TGFBR3: variants seen among roughly 807,000 people sequenced by gnomAD.
TGFBR3 encodes the protein transforming growth factor beta receptor 3, also known as transforming growth factor beta receptor type 3.
Under a neutral mutation model 87.9 loss-of-function variants are expected in TGFBR3, and 46 were observed. The observed-to-expected ratio is 0.52, with a 90% CI of 0.41 to 0.67. The LOEUF (loss-of-function observed/expected upper bound fraction) is 0.67. Ranked by LOEUF, TGFBR3 falls within the 30% of genes least tolerant of loss-of-function variation. The pLI is 0.00. For missense variants in TGFBR3, 866 were observed against 1,041.9 expected (o/e 0.83, Z 2.32); for synonymous variants, 381 against 391.6 (o/e 0.97, Z 0.32).
chr1:91,874,230 T>C (rs1678697289), intron 1 of TGFBR3, among the ~76,000 whole-genome samples: 1 of 152,122 alleles, frequency 6.6e-6, no homozygotes, highest in Non-Finnish European at 1.5e-5. Flanking sequence ...CTGTTTTGAG[T>C]AAGGACCTAA....
chr1:91,703,490 A>G (rs1671691143), intron 14 of TGFBR3, among the ~76,000 whole-genome samples: 1 of 152,242 alleles, frequency 6.6e-6, no homozygotes, highest in South Asian at 2.1e-4. Flanking sequence ...GCTAAGAATT[A>G]AACACATCTA....
In TGFBR3 at chr1:91,712,407, A is replaced by C; in HGVS notation, c.2002T>G (p.Phe668Val). The C allele has an allele frequency of 6.2e-7, 1 of 1,614,218 alleles. No homozygotes were observed. ...AAGTGCACTCTCTTGGGACTGTAGAATTTCACAGATTCATCTTTAGGACAA... is the reference window on the plus strand; with the variant it reads ...AAGTGCACTCTCTTGGGACTGTAGACTTTCACAGATTCATCTTTAGGACAA... ...NICPKDESVK[F>V]YSPKRVHFPI... is the part of the protein sequence containing the mutation. Residue 668 changes from phenylalanine to valine, a missense_variant, in exon 13 of 17, where the codon TTC becomes GTC. Phe to Val is a conservative substitution (Grantham distance 50). Transcript: ENST00000212355.
intron 4 of TGFBR3, among the ~76,000 whole-genome samples, chr1:91,747,482 C>T (rs766038490): frequency 2.0e-5 from 3 of 152,082 alleles, no homozygotes; most frequent in Non-Finnish European, 4.4e-5. Flanking sequence ...TGGAGAGGAA[C>T]GGAATGGAAG....
Position 91,681,422 on chromosome 1 carries a change from T to C in TGFBR3, c.*2317A>G, listed in dbSNP as rs1316010646. The C allele has an allele frequency of 5.4e-6, 2 of 369,914 alleles. No individual in the cohort carries two copies. The highest frequency in any genetic ancestry group is 5.2e-6 in the Non-Finnish European group (1 of 193,902). 22.9% of individuals were successfully genotyped at this position (369,914 alleles called of 1,614,324 possible). Reference sequence around the variant, plus strand: ...TCTCTCTCTCTTTTAAAAAGATCTTTTGGTTTGCATCTATAAATTTGTAAA... The same window carrying C: ...TCTCTCTCTCTTTTAAAAAGATCTTCTGGTTTGCATCTATAAATTTGTAAA... On this transcript the variant is annotated 3_prime_UTR_variant, in exon 17 of 17. Transcript: ENST00000212355.
intron 3 of TGFBR3, among the ~76,000 whole-genome samples, chr1:91,773,232 T>C (rs901619537): frequency 7.8e-6 from 1 of 127,434 alleles, no homozygotes; most frequent in Non-Finnish European, 1.6e-5. Context: ...TAAAAATAAA[T>C]AAATAAATGA....
chr1:91,895,599 G>T (rs1484488639), intron 2 of TGFBR3, among the ~76,000 whole-genome samples: 3 of 152,162 alleles, frequency 2.0e-5, no homozygotes, highest in African/African-American at 7.2e-5. Flanking sequence ...TGGGATTAAA[G>T]TGTGAGCCAC....
At position 91,712,562 on chromosome 1, in the gene TGFBR3, T is replaced by A; in HGVS notation, c.1867-20A>T. On this transcript the variant is annotated intron_variant, in intron 12 of 16. Transcript: ENST00000212355. ...AGATACCTATGAAAGAACAGAAAGA[T>A]GAATTAGGAAATGAGTTAGCATCTC... 3.1e-6 allele frequency: 5 copies of A among 1,613,406 alleles called. No individual in the cohort carries two copies. The highest frequency in any genetic ancestry group is 4.2e-6 in the Non-Finnish European group (5 of 1,179,554).
At position 91,722,164 on chromosome 1, in the gene TGFBR3, A is replaced by G; in HGVS notation, c.886-20T>C. The G allele has an allele frequency of 1.9e-6, 3 of 1,607,940 alleles. No individual in the cohort carries two copies. The highest frequency in any genetic ancestry group is 2.6e-6 in the Non-Finnish European group (3 of 1,174,998). ...AGGAGCCTGAAGATATAGCAAAAAA[A>G]TCACTCATGAGTCTAAAATTAAACA... On this transcript the variant is annotated intron_variant, in intron 7 of 16. Coordinates refer to ENST00000212355, the MANE Select transcript of TGFBR3 (RefSeq NM_003243.5).
At chr1:91,730,840 A>T (rs1672740765) in intron 5 of TGFBR3, among the ~76,000 whole-genome samples, 1 of 152,244 alleles carries the variant, frequency 6.6e-6, no homozygotes, top group African/African-American at 2.4e-5. Context: ...ACTCAAGTTT[A>T]TATGGCACTT....
intron 3 of TGFBR3, among the ~76,000 whole-genome samples, chr1:91,774,536 A>T (rs55721358): frequency 0.016 from 2,405 of 152,200 alleles, 26 homozygotes; most frequent in Middle Eastern, 0.051. Context: ...AATATGATTT[A>T]AAAAAAAGAG....
chr1:91,737,430 C>T (rs953487236), intron 4 of TGFBR3, among the ~76,000 whole-genome samples: 5 of 152,124 alleles, frequency 3.3e-5, no homozygotes, highest in African/African-American at 1.2e-4. Flanking sequence ...AGCAGAAAAG[C>T]GGAAACCTCA....
chr1:91,776,688 T>C (rs1674578416), intron 3 of TGFBR3, among the ~76,000 whole-genome samples: 1 of 152,156 alleles, frequency 6.6e-6, no homozygotes, highest in Non-Finnish European at 1.5e-5. Context: ...GGTCCCTGGA[T>C]TTTCAAGCAG....
rs545615446 is a variant in TGFBR3 at position 91,726,528 on chromosome 1, A to T, written c.885+1131T>A. On this transcript the variant is annotated intron_variant, in intron 7 of 16. Transcript: ENST00000212355. ...TCACTGGGATCCTAGCAAAGTTATA[A>T]AAAAAAAAAAAACCCACGGGAACCA... Among the ~76,000 whole-genome samples, 11 of 89,744 alleles carry T rather than the reference A, an allele frequency of 1.2e-4. No homozygotes were observed. The South Asian group carries it at 1.7e-3, about 14-fold the overall frequency. The allele number at this position is 89,744 out of a possible 152,430, so 58.9% of individuals were successfully genotyped here. A position where few individuals can be genotyped will look rare whatever the true frequency, so the allele number is the denominator to read the frequency against.
At chr1:91,718,163 C>T (rs1458691455) in intron 10 of TGFBR3, among the ~76,000 whole-genome samples, 2 of 152,184 alleles carry the variant, frequency 1.3e-5, no homozygotes, top group Non-Finnish European at 2.9e-5. Context: ...GTCGTCCTGG[C>T]TCTGCCATTA....
Position 91,734,979 on chromosome 1 carries a change from G to A in TGFBR3, c.385-20C>T, listed in dbSNP as rs11466577. 55 of 1,613,676 alleles carry A rather than the reference G, an allele frequency of 3.4e-5. No homozygotes were observed. The highest frequency in any genetic ancestry group is 9.3e-5 in the African/African-American group (7 of 74,908). ...AGACACCTAGAGGAAAGAGAATTGC[G>A]TATTTAACATGGTGCAGTCACCGGA... On this transcript the variant is annotated intron_variant, in intron 4 of 16. Transcript: ENST00000212355.
chr1:91,897,990 C>T (rs1304174077), intron 2 of TGFBR3, among the ~76,000 whole-genome samples: 1 of 151,326 alleles, frequency 6.6e-6, no homozygotes, highest in Non-Finnish European at 1.5e-5. Context: ...GAATTCAAGA[C>T]CAGCCTGGGC....
intron 2 of TGFBR3, among the ~76,000 whole-genome samples, chr1:91,841,949 A>G (rs535942818): frequency 1.1e-4 from 17 of 152,084 alleles, no homozygotes; most frequent in Admixed American, 9.8e-4. Context: ...AAAATACAAA[A>G]AATTAGCCAA....
chr1:91,801,949 G>A (rs1334613938), intron 2 of TGFBR3, among the ~76,000 whole-genome samples: 3 of 152,172 alleles, frequency 2.0e-5, no homozygotes, highest in Admixed American at 6.5e-5. Context: ...GAATGTACAA[G>A]TGAAAAAAAT....
intron 2 of TGFBR3, among the ~76,000 whole-genome samples, chr1:91,803,171 C>G (rs944156798): frequency 2.6e-5 from 4 of 152,212 alleles, no homozygotes; most frequent in Non-Finnish European, 5.9e-5. Flanking sequence ...CCTGCCACGG[C>G]CCCGTCTCTC....
Sources: gnomAD v4.1 joint callset for allele counts (sites outside exome capture counted in the v4.1 genomes callset) on GRCh38, gnomAD v4.1.1 for gene constraint, MANE v1.5 for transcripts, NCBI Gene and HGNC (gene_info 2026-07-23, HGNC 2026-07-21) for gene names.